TCF4: variants seen among roughly 807,000 people sequenced by gnomAD.
TCF4 encodes the protein SL3-3 enhancer factor 2.
In TCF4, 3 loss-of-function variants were observed where a neutral mutation model predicts 82.1. That is an observed-to-expected ratio of 0.04 (90% CI 0.02 to 0.09). The LOEUF is 0.09. TCF4 is among the 10% of genes least tolerant of loss of function. TCF4 has a pLI of 1.00. For missense variants in TCF4, 518 were observed against 852.7 expected, an observed-to-expected ratio of 0.61 and a Z score of 4.89; for synonymous variants, 276 against 309.6, an observed-to-expected ratio of 0.89 and a Z score of 1.14.
chr18:55,414,250 A>G (rs971240259), intron 5 of TCF4, among the ~76,000 whole-genome samples: 3 of 152,188 alleles, frequency 2.0e-5, no homozygotes, highest in South Asian at 4.1e-4. Context: ...GTAAAAATTT[A>G]TATCATTTAT....
At chr18:55,337,135 G>A (rs913792731) in intron 8 of TCF4, among the ~76,000 whole-genome samples, 2 of 152,020 alleles carry the variant, frequency 1.3e-5, no homozygotes, top group Non-Finnish European at 2.9e-5. Context: ...TTTAAAAGGT[G>A]TGCTAATTTT....
At chr18:55,618,333 C>A (rs1031150549) in intron 2 of TCF4, among the ~76,000 whole-genome samples, 1 of 152,130 alleles carries the variant, frequency 6.6e-6, no homozygotes, top group Non-Finnish European at 1.5e-5. Context: ...AGTGTGTGAT[C>A]TTTACATTTC....
intron 3 of TCF4, among the ~76,000 whole-genome samples, chr18:55,515,255 A>G (rs2096870238): frequency 6.6e-6 from 1 of 152,056 alleles, no homozygotes. Flanking sequence ...AGAGTATAAA[A>G]CTCACGGAAA....
chr18:55,503,565 GT>G (rs2096722664), intron 3 of TCF4, among the ~76,000 whole-genome samples: 1 of 152,194 alleles, frequency 6.6e-6, no homozygotes, highest in Admixed American at 6.5e-5. Context: ...AAGTCCTTGT[GT>G]TATCCACGAA....
At chr18:55,339,576 T>C (rs982374708) in intron 8 of TCF4, among the ~76,000 whole-genome samples, 13 of 152,130 alleles carry the variant, frequency 8.5e-5, no homozygotes, top group Non-Finnish European at 1.5e-4. Context: ...ACAGGGACTT[T>C]TCCCGAGGAA....
chr18:55,251,187 T>G (rs1023777354), intron 15 of TCF4, among the ~76,000 whole-genome samples: 1 of 152,126 alleles, frequency 6.6e-6, no homozygotes, highest in Non-Finnish European at 1.5e-5. Flanking sequence ...AGCTAAGGAA[T>G]TGGTCTTTAT....
At chr18:55,377,389 A>G (rs1406591816) in intron 6 of TCF4, among the ~76,000 whole-genome samples, 1 of 152,176 alleles carries the variant, frequency 6.6e-6, no homozygotes, top group Admixed American at 6.5e-5. Context: ...TCTTGGAGAT[A>G]ATTTCTAAGA....
chr18:55,400,908 CT>C, intron 6 of TCF4: 1 of 1,260,104 alleles, frequency 7.9e-7, no homozygotes, highest in Non-Finnish European at 1.0e-6. Context: ...TTTGGAGCTC[CT>C]TAGGGCACAC....
At chr18:55,274,696 T>G (rs1213944825) in intron 10 of TCF4, among the ~76,000 whole-genome samples, 1 of 152,206 alleles carries the variant, frequency 6.6e-6, no homozygotes, top group Non-Finnish European at 1.5e-5. Flanking sequence ...TCCCATATGC[T>G]TTCGCATTTG....
intron 3 of TCF4, among the ~76,000 whole-genome samples, chr18:55,558,656 T>C (rs138340630): frequency 1.4e-3 from 214 of 152,308 alleles, no homozygotes; most frequent in African/African-American, 4.5e-3. Context: ...ATAGATTACA[T>C]TGGGCCAATC....
intron 3 of TCF4, among the ~76,000 whole-genome samples, chr18:55,486,236 T>C (rs1344124332): frequency 1.3e-5 from 2 of 152,190 alleles, no homozygotes; most frequent in African/African-American, 4.8e-5. Flanking sequence ...AAGGGATTGT[T>C]ACTGAAATAG....
At chr18:55,232,791 T>C in intron 16 of TCF4, 120 bp from the exon 17 acceptor site, 2 of 1,310,098 alleles carry the variant, frequency 1.5e-6, no homozygotes, top group Non-Finnish European at 2.1e-6. Context: ...GTCACTTTTT[T>C]TTCCCCCTGC....
At chr18:55,510,584 C>T in intron 3 of TCF4, 1 of 1,505,772 alleles carries the variant, frequency 6.6e-7, no homozygotes, top group Non-Finnish European at 8.9e-7. Context: ...TTTACCTCTG[C>T]TGTCCTCTTC....
chr18:55,538,026 G>A lies in TCF4; in HGVS notation c.145+47254C>T, dbSNP rs200775935. Among the ~76,000 whole-genome samples, 989 of 131,570 alleles carry A rather than the reference G, an allele frequency of 7.5e-3. 5 individuals carry two copies. Among genetic ancestry groups the A allele is most frequent in the Admixed American group, 0.01 (123 of 11,984 alleles). The allele number at this position is 131,570 out of a possible 152,430, so 86.3% of individuals were successfully genotyped here. A position where few individuals can be genotyped will look rare whatever the true frequency, so the allele number is the denominator to read the frequency against. On this transcript the variant is annotated intron_variant, in intron 3 of 19. Coordinates refer to ENST00000354452, the MANE Select transcript of TCF4 (RefSeq NM_001083962.2). ...CTGGATTTTGCTAGTCTGCGCGCGCGCACACACACACACACACACACACAC... is the reference window on the plus strand; with the variant it reads ...CTGGATTTTGCTAGTCTGCGCGCGCACACACACACACACACACACACACAC...
rs748458759 is a variant in TCF4, at chr18:55,463,984, G to A, written c.207+92C>T. Reference sequence around the variant, plus strand: ...TGTGTGTGTGTGTGTGTGTGAGAGAGAGAGAGAGAGAGAGAGAGAAACACA... The same window carrying A: ...TGTGTGTGTGTGTGTGTGTGAGAGAAAGAGAGAGAGAGAGAGAGAAACACA... On this transcript the variant is annotated intron_variant, in intron 4 of 19. Coordinates refer to ENST00000354452, the MANE Select transcript of TCF4 (RefSeq NM_001083962.2). 5 of 1,088,434 alleles carry A rather than the reference G, an allele frequency of 4.6e-6. No homozygotes were observed. In the East Asian group the frequency reaches 9.6e-5, roughly 21 times the overall value. The allele number at this position is 1,088,434 out of a possible 1,614,324, so 67.4% of individuals were successfully genotyped here. A position where few individuals can be genotyped will look rare whatever the true frequency, so the allele number is the denominator to read the frequency against.
chr18:55,602,066 A>G (rs1449363944), intron 2 of TCF4, among the ~76,000 whole-genome samples: 1 of 152,206 alleles, frequency 6.6e-6, no homozygotes, highest in Non-Finnish European at 1.5e-5. Context: ...TGCCGGATTC[A>G]CGTTAATGCC....
At chr18:55,611,744 TAAAATCAATGTA>T (rs979620892) in intron 2 of TCF4, among the ~76,000 whole-genome samples, 2 of 152,198 alleles carry the variant, frequency 1.3e-5, no homozygotes, top group Non-Finnish European at 2.9e-5. Context: ...AATTTCAACA[TAAAATCAATGTA>T]AAAATATTTT....
chr18:55,330,563 C>G (rs140853270), intron 8 of TCF4, among the ~76,000 whole-genome samples: 1 of 151,614 alleles, frequency 6.6e-6, no homozygotes, highest in Non-Finnish European at 1.5e-5. Context: ...TGTATTGTGT[C>G]CACTACATTT....
chr18:55,279,631 G>C lies in TCF4; in HGVS notation c.575C>G (p.Ala192Gly). Residue 192 changes from alanine (A) to glycine (G), a missense_variant, in exon 9 of 20, where the codon GCC becomes GGC. Coordinates refer to ENST00000354452, the MANE Select transcript of TCF4 (RefSeq NM_001083962.2). ...GCCTGGCGAGTCCCTATTGTAGTCGGCAGTGCTTGCTGATGGAGCATAGAC... is the reference window on the plus strand; with the variant it reads ...GCCTGGCGAGTCCCTATTGTAGTCGCCAGTGCTTGCTGATGGAGCATAGAC... ...SSVYAPSAST[A>G]DYNRDSPGYP... 6.2e-7 allele frequency: 1 copy of C among 1,613,958 alleles called. No individual in the cohort carries two copies. The highest frequency in any genetic ancestry group is 8.5e-7 in the Non-Finnish European group (1 of 1,179,892).
Sources: gnomAD v4.1 joint callset for allele counts (sites outside exome capture counted in the v4.1 genomes callset) on GRCh38, gnomAD v4.1.1 for gene constraint, MANE v1.5 for transcripts, NCBI Gene and HGNC (gene_info 2026-07-23, HGNC 2026-07-21) for gene names.